EIF3A: variants seen among roughly 807,000 people sequenced by gnomAD.
EIF3A encodes the protein eukaryotic translation initiation factor 3 subunit A.
EIF3A carries 21 observed loss-of-function variants against 186.6 expected under a neutral mutation model. The ratio of observed to expected loss-of-function variants is 0.11; its 90% CI spans 0.08 to 0.16. The LOEUF (loss-of-function observed/expected upper bound fraction) is 0.16, where lower values mean the gene tolerates loss of function less well. EIF3A is among the 10% of genes least tolerant of loss of function. The pLI is 1.00. For synonymous variants in EIF3A, 563 were observed against 584.3 expected (o/e 0.96, Z 0.52); for missense variants, 1,306 against 1,796.3 (o/e 0.73, Z 4.93).
chr10:119,056,861 A>G lies in EIF3A; in HGVS notation c.2083-8T>C. 1 of 1,598,948 alleles carries G rather than the reference A, an allele frequency of 6.3e-7. No homozygotes were observed. Among genetic ancestry groups the G allele is most frequent in the Non-Finnish European group, 8.6e-7 (1 of 1,166,460 alleles). ...TCTTTCAAAATAGTCAATCTGAATG[A>G]CACGAAAACACACGTAGTTTTAAAA... is the stretch of plus-strand genomic sequence containing the variant. On this transcript the variant is annotated splice_region_variant and splice_polypyrimidine_tract_variant and intron_variant, in intron 13 of 21. Transcript: ENST00000369144.
At chr10:119,070,094 A>C (rs1196674930) in intron 5 of EIF3A, among the ~76,000 whole-genome samples, 1 of 151,578 alleles carries the variant, frequency 6.6e-6, no homozygotes, top group Admixed American at 6.6e-5. Flanking sequence ...TAGAAAAGGA[A>C]ACATGGGCAA....
rs773165564 is a variant in EIF3A at position 119,060,835 on chromosome 10, A to G, written c.1237T>C (p.Trp413Arg). The G allele has an allele frequency of 1.2e-6, 2 of 1,604,674 alleles. No individual in the cohort carries two copies. Among genetic ancestry groups the G allele is most frequent in the Non-Finnish European group, 1.7e-6 (2 of 1,175,636 alleles). ...TCCTTTTCAGGTTGTTCCCTAACCC[A>G]ATTTAGAACCTATAAAATCCATTAA... ...LCERVTKVLN[W>R]VREQPEKEPE... is the part of the protein sequence containing the mutation. The change falls in exon 9 of 22, where the codon TGG becomes CGG. Residue 413 changes from tryptophan (W) to arginine (R), a missense_variant. Physicochemically the swap from Trp to Arg is moderately radical, Grantham distance 101. Coordinates refer to ENST00000369144, the MANE Select transcript of EIF3A (RefSeq NM_003750.4).
chr10:119,037,069 CCCCA>C (rs745932398), intron 21 of EIF3A, 46 bp downstream of exon 21: 2 of 941,408 alleles, frequency 2.1e-6, no homozygotes, highest in Non-Finnish European at 3.0e-6. Context: ...ATCCCCCCCC[CCCCA>C]GAAACGACAG....
intron 17 of EIF3A, among the ~76,000 whole-genome samples, chr10:119,049,493 C>CAAA (rs67696743): frequency 0.33 from 37,268 of 112,218 alleles, 7,178 homozygotes; most frequent in Non-Finnish European, 0.39. Context: ...GACTCTGTCT[C>CAAA]AAAAAAAAAA....
chr10:119,042,844 T>TC lies in EIF3A; in HGVS notation c.2748-73dup. On this transcript the variant is annotated intron_variant, in intron 18 of 21. Coordinates refer to ENST00000369144, the MANE Select transcript of EIF3A (RefSeq NM_003750.4). This position sits in a 1 kb window ranked among gnomAD's most constrained non-coding sequence, Gnocchi z 7.8. ...TATGATCCTTTGGGGATTTTTTTTTTCACATGCTTTTTAAAAACTTCAGTA... is the reference window on the plus strand; with the variant it reads ...TATGATCCTTTGGGGATTTTTTTTTTCCACATGCTTTTTAAAAACTTCAGTA... The TC allele has an allele frequency of 1.4e-6, 2 of 1,457,928 alleles. No individual in the cohort carries two copies. The highest frequency in any genetic ancestry group is 1.8e-6 in the Non-Finnish European group (2 of 1,100,342). 90.3% of individuals were successfully genotyped at this position (1,457,928 alleles called of 1,614,324 possible).
At chr10:119,049,445 G>A (rs1848325390) in intron 17 of EIF3A, among the ~76,000 whole-genome samples, 1 of 137,302 alleles carries the variant, frequency 7.3e-6, no homozygotes, top group South Asian at 2.3e-4. Flanking sequence ...CCGAGACAGA[G>A]ATCACACCAC....
In EIF3A at chr10:119,041,722, G is replaced by A. The variant is rs1176555775; in HGVS notation, c.3526+272C>T. On this transcript the variant is annotated intron_variant, in intron 19 of 21. Coordinates refer to ENST00000369144, the MANE Select transcript of EIF3A (RefSeq NM_003750.4). ...AAAAATACACCAATACTGAAAGCAT[G>A]AGTACAGGAAGAGCCTTCAAAGAAG... is the stretch of plus-strand genomic sequence containing the variant. Among the ~76,000 whole-genome samples the A allele has an allele frequency of 4.2e-4, 64 of 152,218 alleles. 2 individuals carry two copies. Among genetic ancestry groups the A allele is most frequent in the Admixed American group, 4.2e-3 (64 of 15,284 alleles).
chr10:119,074,918 C>CAAAAAAAAAA (rs1170284096), intron 1 of EIF3A, among the ~76,000 whole-genome samples: 1 of 24,154 alleles, frequency 4.1e-5, no homozygotes, highest in Non-Finnish European at 7.6e-5. Flanking sequence ...AACTCCAACT[C>CAAAAAAAAAA]AAAAAAAAAA....
In EIF3A at chr10:119,052,368, T is replaced by TGTGTGTGTGTGTGTGTGTGTGTGTGTG. The variant is rs1848367766; in HGVS notation, c.2197-1048_2197-1047insCACACACACACACACACACACACACAC. Among the ~76,000 whole-genome samples the TGTGTGTGTGTGTGTGTGTGTGTGTGTG allele has an allele frequency of 4.1e-4, 51 of 123,056 alleles. 1 individual carries two copies. Among genetic ancestry groups the TGTGTGTGTGTGTGTGTGTGTGTGTGTG allele is most frequent in the East Asian group, 1.7e-3 (7 of 4,098 alleles). 80.7% of individuals were successfully genotyped at this position (123,056 alleles called of 152,430 possible). A position where few individuals can be genotyped will look rare whatever the true frequency, so the allele number is the denominator to read the frequency against. On this transcript the variant is annotated intron_variant, in intron 14 of 21. Coordinates refer to ENST00000369144, the MANE Select transcript of EIF3A (RefSeq NM_003750.4). ...CTTCAGGTTATAGTCTTTTTTGGTT[T>TGTGTGTGTGTGTGTGTGTGTGTGTGTG]TGTGTGTGTGTGTGTGTGTGTGTGT...
intron 9 of EIF3A, chr10:119,060,120 A>G: frequency 2.0e-6 from 1 of 505,868 alleles, no homozygotes; most frequent in Admixed American, 2.2e-5. Context: ...AAAAGAAAGC[A>G]GGTCAATGAA....
chr10:119,049,747 CA>C (rs80329813), intron 17 of EIF3A, 53 bp downstream of exon 17: 74,851 of 949,742 alleles, frequency 0.079, no homozygotes, highest in South Asian at 0.13. Context: ...GTGCCTCAAC[CA>C]AAAAAAAAAA....
chr10:119,072,045 A>AAAC (rs1224080888), intron 4 of EIF3A, among the ~76,000 whole-genome samples: 1 of 134,816 alleles, frequency 7.4e-6, no homozygotes, highest in Non-Finnish European at 1.5e-5. Context: ...AAAAAAAAAA[A>AAAC]AGAAAGAAAA....
intron 14 of EIF3A, among the ~76,000 whole-genome samples, chr10:119,056,251 G>A (rs988476175): frequency 3.9e-5 from 6 of 152,104 alleles, no homozygotes; most frequent in Non-Finnish European, 7.4e-5. Flanking sequence ...GTTTAGTCAC[G>A]AAAGACAACA....
rs1356283894 is a variant in EIF3A at position 119,042,006 on chromosome 10, A to C, written c.3514T>G (p.Leu1172Val). 2.5e-6 allele frequency: 4 copies of C among 1,613,974 alleles called. No homozygotes were observed. In the African/African-American group the frequency reaches 5.3e-5, roughly 22 times the overall value. ...DDSRPGPWRP[L>V]VKPGGWREKE... ...AATAGAATTTTACCTGGCTTGACTA[A>C]TGGTCTCCAAGGACCAGGTCTTGAG... Residue 1172 changes from leucine (L) to valine (V), a missense_variant, in exon 19 of 22, where the codon TTA (leucine) becomes GTA (valine). By Grantham distance (32) the Leu-to-Val change is conservative. Transcript: ENST00000369144. The surrounding 1 kb of genome is among the most constrained non-coding windows in gnomAD (Gnocchi z 7.8).
chr10:119,056,914 G>A, intron 13 of EIF3A, 22 bp downstream of exon 13: 3 of 1,594,860 alleles, frequency 1.9e-6, no homozygotes, highest in Non-Finnish European at 2.6e-6. Flanking sequence ...TATGTTAAAG[G>A]TTTACCAACC....
At chr10:119,080,347 G>T (rs567153780) in intron 1 of EIF3A, 1 of 985,444 alleles carries the variant, frequency 1.0e-6, no homozygotes, top group South Asian at 4.7e-5. Flanking sequence ...CCGGGTAGGG[G>T]CTGTCTCCCG....
intron 4 of EIF3A, among the ~76,000 whole-genome samples, chr10:119,072,386 C>T (rs1170292971): frequency 1.3e-5 from 2 of 151,998 alleles, no homozygotes; most frequent in Non-Finnish European, 2.9e-5. Flanking sequence ...ACAATTCACA[C>T]AAAACTCCTT....
chr10:119,047,836 G>A (rs1049768822), intron 17 of EIF3A, among the ~76,000 whole-genome samples: 1 of 152,158 alleles, frequency 6.6e-6, no homozygotes, highest in South Asian at 2.1e-4. Flanking sequence ...CTAGTATCAA[G>A]TGTAGGCATA....
chr10:119,059,988 T>C (rs374181648), intron 9 of EIF3A: 8 of 532,474 alleles, frequency 1.5e-5, no homozygotes, highest in Non-Finnish European at 1.1e-5. Flanking sequence ...TTACCGAATA[T>C]ATTTAAACAC....
Sources: allele counts gnomAD v4.1 joint callset (sites outside exome capture counted in the v4.1 genomes callset), GRCh38; gene constraint gnomAD v4.1.1; non-coding constraint Gnocchi (gnomAD v3.1); transcripts MANE v1.5; gene names NCBI Gene and HGNC (gene_info 2026-07-23, HGNC 2026-07-21).